Variants in RAD50 observed in about 807,000 individuals in gnomAD.
The protein encoded by RAD50 is RAD50 double strand break repair protein.
A neutral mutation model predicts 168.8 loss-of-function variants in RAD50; 132 were observed. That is an observed-to-expected ratio of 0.78 (90% CI 0.68 to 0.90). The LOEUF (loss-of-function observed/expected upper bound fraction) is 0.90. Among genes scored for constraint, RAD50 ranks in the 40% least tolerant of loss-of-function variants. The pLI is 0.00. For missense variants in RAD50, 1,347 were observed against 1,534.4 expected, an observed-to-expected ratio of 0.88 and a Z score of 2.04; for synonymous variants, 525 against 497.4, an observed-to-expected ratio of 1.06 and a Z score of -0.74.
chr5:132,640,606 G>C lies in RAD50; in HGVS notation c.3619-66G>C, dbSNP rs928392914. 5 of 1,605,236 alleles carry C rather than the reference G, an allele frequency of 3.1e-6. No individual in the cohort carries two copies. In the African/African-American group the frequency reaches 6.7e-5, roughly 21 times the overall value. On this transcript the variant is annotated intron_variant, in intron 23 of 24. Coordinates refer to ENST00000378823, the MANE Select transcript of RAD50 (RefSeq NM_005732.4). ...TTCCCTGCTGAAAAGATCATGTCAGGACTGCTTGCCTGCCATGAGATGAGA... is the reference window on the plus strand; with the variant it reads ...TTCCCTGCTGAAAAGATCATGTCAGCACTGCTTGCCTGCCATGAGATGAGA...
intron 19 of RAD50, among the ~76,000 whole-genome samples, chr5:132,609,789 A>C (rs1313309880): frequency 6.6e-6 from 1 of 152,200 alleles, no homozygotes; most frequent in Non-Finnish European, 1.5e-5. Flanking sequence ...CTCTAAAAAG[A>C]AATGCAAAAA....
chr5:132,579,230 A>G, intron 3 of RAD50, 87 bp from the exon 4 acceptor site: 1 of 1,373,104 alleles, frequency 7.3e-7, no homozygotes, highest in South Asian at 1.3e-5. Context: ...TTATTCTTTT[A>G]AAGAAGTACA....
chr5:132,576,570 C>CTG (rs1438308617), intron 3 of RAD50, among the ~76,000 whole-genome samples: 3 of 152,182 alleles, frequency 2.0e-5, no homozygotes, highest in African/African-American at 7.2e-5. Flanking sequence ...CTACTATGTG[C>CTG]TGGAGGCACT....
intron 21 of RAD50, among the ~76,000 whole-genome samples, chr5:132,634,828 T>C (rs115602830): frequency 0.041 from 6,238 of 152,312 alleles, 357 homozygotes; most frequent in African/African-American, 0.13. Flanking sequence ...TTCTTTTTAA[T>C]CTGCTACTAT....
Position 132,587,696 on chromosome 5 carries a change from T to C in RAD50, c.885+6T>C, listed in dbSNP as rs1750619594. 3.1e-6 allele frequency: 5 copies of C among 1,613,534 alleles called. No homozygotes were observed. The highest frequency in any genetic ancestry group is 4.2e-6 in the Non-Finnish European group (5 of 1,179,784). On this transcript the variant is annotated splice_donor_region_variant and intron_variant, in intron 6 of 24. Transcript: ENST00000378823. Reference sequence around the variant, plus strand: ...TGGAAGAGAAAATGGAAAAGGTTTGTGGTGGTAGAATTTTGTTCTGCTTCA... The same window carrying C: ...TGGAAGAGAAAATGGAAAAGGTTTGCGGTGGTAGAATTTTGTTCTGCTTCA...
intron 21 of RAD50, among the ~76,000 whole-genome samples, chr5:132,625,399 T>TA (rs1554100264): frequency 2.0e-5 from 3 of 152,304 alleles, no homozygotes; most frequent in South Asian, 2.1e-4. Context: ...TTCTTTTTTT[T>TA]AAAAAAAGTT....
At chr5:132,637,938 GA>G (rs1751624339) in intron 22 of RAD50, 142 bp from the exon 23 acceptor site, 9 of 955,568 alleles carry the variant, frequency 9.4e-6, no homozygotes, top group Non-Finnish European at 1.4e-5. Flanking sequence ...CTCCCAGCCA[GA>G]GAAAGAGTTT....
In RAD50 at chr5:132,644,564, C is replaced by T. The variant is rs1751810670; in HGVS notation, c.*2200C>T. ...GACATTATTTACAAACTGCTTAGAACTGCTTGCCACCTACTAAATACTGTG... is the reference window on the plus strand; with the variant it reads ...GACATTATTTACAAACTGCTTAGAATTGCTTGCCACCTACTAAATACTGTG... On this transcript the variant is annotated 3_prime_UTR_variant, in exon 25 of 25. Coordinates refer to ENST00000378823, the MANE Select transcript of RAD50 (RefSeq NM_005732.4). The T allele has an allele frequency of 5.4e-6, 1 of 183,534 alleles. No individual in the cohort carries two copies. The highest frequency in any genetic ancestry group is 6.2e-5 in the Admixed American group (1 of 16,024). 11.4% of individuals were successfully genotyped at this position (183,534 alleles called of 1,614,324 possible).
rs1201165684 is a variant in RAD50, at chr5:132,619,843, TATATATATAAAG to T, written c.3389+1559_3389+1570del. Among the ~76,000 whole-genome samples, 514 of 126,666 alleles carry T rather than the reference TATATATATAAAG, an allele frequency of 4.1e-3. 7 individuals carry two copies. The highest frequency in any genetic ancestry group is 1.0e-2 in the African/African-American group (351 of 35,134). The allele number at this position is 126,666 out of a possible 152,430, so 83.1% of individuals were successfully genotyped here. On this transcript the variant is annotated intron_variant, in intron 21 of 24. Coordinates refer to ENST00000378823, the MANE Select transcript of RAD50 (RefSeq NM_005732.4). Reference sequence around the variant, plus strand: ...CTCTCTCTCTCTCTCTCTCTATATATATATATATAAAGATATATATATATAAAGATATATATA... The same window carrying T: ...CTCTCTCTCTCTCTCTCTCTATATATATATATATATATAAAGATATATATA...
rs786203885 is a variant in RAD50 at position 132,603,354 on chromosome 5, G to A, written c.2262G>A (p.Leu754=). The A allele has an allele frequency of 2.0e-5, 32 of 1,613,760 alleles. No individual in the cohort carries two copies. The highest frequency in any genetic ancestry group is 2.6e-5 in the Non-Finnish European group (31 of 1,179,792). The change falls in exon 14 of 25, where the codon CTG becomes CTA. Residue 754 remains leucine, a synonymous_variant. Transcript: ENST00000378823. ...EKEIPELRNK[L]QNVNRDIQRL... ...AAATACCAGAATTAAGAAACAAACT[G>A]CAGAATGTCAATAGAGACATACAGC... is the stretch of plus-strand genomic sequence containing the variant.
intron 21 of RAD50, among the ~76,000 whole-genome samples, chr5:132,619,830 C>A (rs1214432484): frequency 4.4e-4 from 52 of 119,360 alleles, no homozygotes; most frequent in Admixed American, 1.2e-3. Context: ...CTCTCTCTCT[C>A]TCTCTCTATA....
chr5:132,614,702 A>AT (rs1037765890), intron 19 of RAD50, among the ~76,000 whole-genome samples: 4 of 150,104 alleles, frequency 2.7e-5, no homozygotes, highest in Non-Finnish European at 4.4e-5. Context: ...ATTACTTTTT[A>AT]TTTTTTTTCC....
intron 2 of RAD50, among the ~76,000 whole-genome samples, chr5:132,565,653 C>G (rs956700020): frequency 6.6e-6 from 1 of 152,136 alleles, no homozygotes; most frequent in Non-Finnish European, 1.5e-5. Context: ...TCTTCTCAGT[C>G]TGATACTTTA....
intron 22 of RAD50, among the ~76,000 whole-genome samples, chr5:132,637,718 G>A (rs1347746648): frequency 6.6e-6 from 1 of 152,112 alleles, no homozygotes; most frequent in Non-Finnish European, 1.5e-5. Flanking sequence ...ATTCTTAGTA[G>A]AGATGGGGTT....
At chr5:132,602,917 A>G (rs1398475701) in intron 13 of RAD50, among the ~76,000 whole-genome samples, 2 of 152,188 alleles carry the variant, frequency 1.3e-5, no homozygotes, top group African/African-American at 4.8e-5. Context: ...CATTAGTAGA[A>G]TATTTCTCAG....
At chr5:132,597,324 A>C (rs2706370) in intron 13 of RAD50, among the ~76,000 whole-genome samples, 49,854 of 152,086 alleles carry the variant, frequency 0.33, 10,331 homozygotes, top group African/African-American at 0.6. Context: ...GTATAGTCCC[A>C]TCTCATGCTG....
At chr5:132,607,335 G>A (rs753367311) in intron 16 of RAD50, among the ~76,000 whole-genome samples, 6 of 152,224 alleles carry the variant, frequency 3.9e-5, no homozygotes, top group Middle Eastern at 3.4e-3. Context: ...ATTTGATTCC[G>A]GATGTGGTTT....
At position 132,558,660 on chromosome 5, in the gene RAD50, G is replaced by A. The variant is rs575957438; in HGVS notation, c.130-624G>A. On this transcript the variant is annotated intron_variant, in intron 1 of 24. Transcript: ENST00000378823. ...GGGGAGGTGGAGGTTGCAGTGAGCC[G>A]AGATCACGCCATTGCACTACACCAG... Among the ~76,000 whole-genome samples, 527 of 144,962 alleles carry A rather than the reference G, an allele frequency of 3.6e-3. 5 individuals are homozygous for A. The highest frequency in any genetic ancestry group is 0.013 in the African/African-American group (491 of 38,912).
intron 2 of RAD50, among the ~76,000 whole-genome samples, chr5:132,565,608 G>C (rs1449773008): frequency 6.6e-6 from 1 of 152,044 alleles, no homozygotes. Context: ...ACTCTGACCT[G>C]AATCTCCCCA....
Sources: gnomAD v4.1 joint callset for allele counts (sites outside exome capture counted in the v4.1 genomes callset) on GRCh38, gnomAD v4.1.1 for gene constraint, MANE v1.5 for transcripts, NCBI Gene and HGNC (gene_info 2026-07-23, HGNC 2026-07-21) for gene names.